MPP4: variants seen among roughly 807,000 people sequenced by gnomAD.
MPP4 encodes MAGUK p55 subfamily member 4.
In MPP4, 91 loss-of-function variants were observed where a neutral mutation model predicts 98.3. The observed-to-expected ratio is 0.93, with a 90% CI of 0.78 to 1.10. The LOEUF (loss-of-function observed/expected upper bound fraction) is 1.10, where lower values mean the gene tolerates loss of function less well. Among genes scored for constraint, MPP4 ranks in the 50% least tolerant of loss-of-function variants. The pLI is 0.00. For synonymous variants in MPP4, 261 were observed against 271.8 expected (o/e 0.96, Z 0.39); for missense variants, 744 against 792.9 (o/e 0.94, Z 0.74).
rs1157648211 is a variant in MPP4 at position 201,644,918 on chromosome 2, A to C, written c.*292T>G. ...TTTTATTTAGGAAAGCTCTTTATTTAAATCTTAAAAAGATCATGTGAAATC... is the reference window on the plus strand; with the variant it reads ...TTTTATTTAGGAAAGCTCTTTATTTCAATCTTAAAAAGATCATGTGAAATC... On this transcript the variant is annotated 3_prime_UTR_variant, in exon 22 of 22. Transcript: ENST00000409474. 4.4e-6 allele frequency: 1 copy of C among 224,784 alleles called. No individual in the cohort carries two copies. Among genetic ancestry groups the C allele is most frequent in the Non-Finnish European group, 8.5e-6 (1 of 117,334 alleles). The allele number at this position is 224,784 out of a possible 1,614,324, so 13.9% of individuals were successfully genotyped here.
chr2:201,683,962 G>A (rs1688740913), intron 7 of MPP4, among the ~76,000 whole-genome samples: 1 of 152,020 alleles, frequency 6.6e-6, no homozygotes, highest in Admixed American at 6.5e-5. Flanking sequence ...GCTCATACCT[G>A]TAATCCCAAC....
At chr2:201,672,115 T>C (rs776721447) in intron 11 of MPP4, among the ~76,000 whole-genome samples, 9 of 152,164 alleles carry the variant, frequency 5.9e-5, no homozygotes, top group Non-Finnish European at 1.0e-4. Flanking sequence ...TACAACTACA[T>C]GGAAACAGAA....
chr2:201,682,566 C>T (rs1252751768), intron 8 of MPP4, among the ~76,000 whole-genome samples: 3 of 152,106 alleles, frequency 2.0e-5, no homozygotes, highest in Non-Finnish European at 4.4e-5. Flanking sequence ...GGGCTGGGGG[C>T]CCTGGCAGTC....
chr2:201,674,130 T>C (rs754442218), intron 11 of MPP4, among the ~76,000 whole-genome samples: 14 of 152,254 alleles, frequency 9.2e-5, no homozygotes, highest in Non-Finnish European at 1.8e-4. Flanking sequence ...GCATACACAA[T>C]TGTTAATCAG....
intron 10 of MPP4, among the ~76,000 whole-genome samples, chr2:201,679,480 C>T (rs779494476): frequency 1.3e-5 from 2 of 152,138 alleles, no homozygotes; most frequent in Admixed American, 6.5e-5. Context: ...GAGAAAATAA[C>T]AGTTAGGAGA....
chr2:201,690,786 TG>T (rs1462491410), intron 3 of MPP4, among the ~76,000 whole-genome samples: 1 of 152,208 alleles, frequency 6.6e-6, no homozygotes, highest in African/African-American at 2.4e-5. Context: ...CTTTGTGCTT[TG>T]GGGCTGTTTC....
rs1461002383 is a variant in MPP4 at position 201,656,241 on chromosome 2, G to T, written c.1257C>A (p.Tyr419Ter). The change falls in exon 17 of 22, where the codon TAC (tyrosine) becomes TAA (stop). Residue 419 changes from tyrosine to a stop codon, truncating the protein, a stop_gained. Coordinates refer to ENST00000409474, the MANE Select transcript of MPP4 (RefSeq NM_033066.3). LOFTEE classifies it high-confidence loss of function. ...VGAPYEEVVR[Y>*]QRRPSDKYRL... is the part of the protein sequence containing the mutation. ...GGTACTTGTCTGAAGGGCGTCGCTG[G>T]TACCTCACCACCTCCTCGTAAGGGG... 3 of 1,604,576 alleles carry T rather than the reference G, an allele frequency of 1.9e-6. No homozygotes were observed. Among genetic ancestry groups the T allele is most frequent in the Non-Finnish European group, 2.6e-6 (3 of 1,175,574 alleles).
intron 15 of MPP4, 57 bp downstream of exon 15, chr2:201,660,275 A>G (rs1574607432): frequency 6.9e-7 from 1 of 1,447,580 alleles, no homozygotes; most frequent in Admixed American, 1.7e-5. Flanking sequence ...TTTTTGAGGC[A>G]CTGAAAGATC....
chr2:201,661,241 G>A (rs1317608614), intron 14 of MPP4, among the ~76,000 whole-genome samples: 1 of 146,926 alleles, frequency 6.8e-6, no homozygotes, highest in African/African-American at 2.5e-5. Flanking sequence ...TTTTAATGAC[G>A]CTTCTGATTA....
In MPP4 at chr2:201,672,425, C is replaced by CA. The variant is rs200493040; in HGVS notation, c.995-2676dup. 2.5e-3 allele frequency among the ~76,000 whole-genome samples: 377 copies of CA among 151,822 alleles called. 1 individual carries two copies. The highest frequency in any genetic ancestry group is 8.7e-3 in the African/African-American group (360 of 41,394). On this transcript the variant is annotated intron_variant, in intron 11 of 21. Transcript: ENST00000409474. ...AGCAGAACTGAAGGAGACAGAGACA[C>CA]AAAAAAACCTTCAAAAAAATCAATG...
At chr2:201,693,794 A>C in intron 2 of MPP4, 82 bp downstream of exon 2, 1 of 1,528,142 alleles carries the variant, frequency 6.5e-7, no homozygotes, top group South Asian at 1.1e-5. Flanking sequence ...TAAGTCTGTC[A>C]GGATTTCTGC....
chr2:201,651,761 C>T (rs1243770090), intron 18 of MPP4: 1 of 531,446 alleles, frequency 1.9e-6, no homozygotes, highest in Non-Finnish European at 2.4e-6. Context: ...CAAGACCAGC[C>T]TAGCCAACAT....
chr2:201,690,144 G>A, intron 4 of MPP4, 58 bp downstream of exon 4: 1 of 1,137,796 alleles, frequency 8.8e-7, no homozygotes, highest in Non-Finnish European at 1.3e-6. Flanking sequence ...AACTAGCAAT[G>A]TGGGGAAAAT....
chr2:201,696,464 T>C (rs1477952972), intron 1 of MPP4, among the ~76,000 whole-genome samples: 2 of 152,268 alleles, frequency 1.3e-5, no homozygotes, highest in Admixed American at 6.5e-5. Context: ...ACTCTTAAAA[T>C]TGGTTCCCCT....
chr2:201,659,225 T>C (rs74534676), intron 15 of MPP4, among the ~76,000 whole-genome samples: 1 of 144,906 alleles, frequency 6.9e-6, no homozygotes, highest in Non-Finnish European at 1.5e-5. Context: ...ATTTTTTTTT[T>C]CTGCAAGTCC....
intron 11 of MPP4, among the ~76,000 whole-genome samples, chr2:201,670,216 CA>C (rs1688301931): frequency 6.6e-6 from 1 of 152,170 alleles, no homozygotes; most frequent in Admixed American, 6.6e-5. Flanking sequence ...AAACTAACAT[CA>C]ATAACATTTC....
intron 3 of MPP4, among the ~76,000 whole-genome samples, chr2:201,691,014 A>G (rs1401659855): frequency 1.3e-5 from 2 of 152,160 alleles, no homozygotes; most frequent in Non-Finnish European, 2.9e-5. Flanking sequence ...CTGAGCCCCC[A>G]GTCTTTTCTA....
rs769857629 is a variant in MPP4 at position 201,674,938 on chromosome 2, C to T, written c.994+269G>A. The T allele has an allele frequency of 5.8e-5, 33 of 568,794 alleles. 1 individual carries two copies. Among genetic ancestry groups the T allele is most frequent in the Non-Finnish European group, 8.7e-5 (27 of 309,498 alleles). 35.2% of individuals were successfully genotyped at this position (568,794 alleles called of 1,614,324 possible). A position where few individuals can be genotyped will look rare whatever the true frequency, so the allele number is the denominator to read the frequency against. On this transcript the variant is annotated intron_variant, in intron 11 of 21. Transcript: ENST00000409474. ...GGCTCCACCCAGAAGCAACTCAGTA[C>T]AAGAGGACAGCTTCAACTCCCTATG...
At chr2:201,650,788 C>T in intron 18 of MPP4, 1 of 985,362 alleles carries the variant, frequency 1.0e-6, no homozygotes, top group Non-Finnish European at 1.2e-6. Context: ...TAATACCCAA[C>T]CGAGTGGTGA....
Sources: allele counts gnomAD v4.1 joint callset (sites outside exome capture counted in the v4.1 genomes callset), GRCh38; gene constraint gnomAD v4.1.1; transcripts MANE v1.5; gene names NCBI Gene and HGNC (gene_info 2026-07-23, HGNC 2026-07-21).